Variants in MEI1 observed in about 807,000 individuals in gnomAD.
MEI1 encodes meiosis inhibitor protein 1.
MEI1 carries 103 observed loss-of-function variants against 146.2 expected under a neutral mutation model. That is an observed-to-expected ratio of 0.70 (90% confidence interval 0.60 to 0.83). The LOEUF (loss-of-function observed/expected upper bound fraction) is 0.83, where lower values mean the gene tolerates loss of function less well. MEI1 is among the 40% of genes least tolerant of loss of function. MEI1 has a pLI of 0.00. For synonymous variants in MEI1, 652 were observed against 628.2 expected, an observed-to-expected ratio of 1.04 and a Z score of -0.57; for missense variants, 1,529 against 1,533.0, an observed-to-expected ratio of 1.00 and a Z score of 0.04.
chr22:41,767,080 G>A (rs570736771), intron 19 of MEI1, among the ~76,000 whole-genome samples: 4 of 152,284 alleles, frequency 2.6e-5, no homozygotes, highest in Admixed American at 1.3e-4. Flanking sequence ...GGACTGCCTA[G>A]ATGAGGTAGT....
At chr22:41,722,245 G>A (rs739129) in intron 6 of MEI1, 126,196 of 151,408 alleles carry the variant, frequency 0.83, 53,539 homozygotes, top group African/African-American at 0.95. Flanking sequence ...TCTGTCTTAT[G>A]TCATCTTATT....
chr22:41,716,679 A>T (rs1601701028), intron 5 of MEI1, among the ~76,000 whole-genome samples: 4 of 112,576 alleles, frequency 3.6e-5, no homozygotes, highest in African/African-American at 6.8e-5. Flanking sequence ...CTGGCCTTCC[A>T]TTCATTCTTT....
intron 3 of MEI1, among the ~76,000 whole-genome samples, chr22:41,712,224 G>GTT (rs375549191): frequency 1.4e-4 from 9 of 65,880 alleles, no homozygotes; most frequent in African/African-American, 5.1e-4. Context: ...AAAGCATTGT[G>GTT]TTTTTTTTGT....
chr22:41,724,144 T>C, intron 7 of MEI1, 71 bp downstream of exon 7: 2 of 1,549,942 alleles, frequency 1.3e-6, no homozygotes, highest in South Asian at 2.3e-5. Flanking sequence ...GGGCCTTGTC[T>C]TCATCTACCA....
At chr22:41,784,908 T>A (rs2075901145) in intron 26 of MEI1, 125 bp downstream of exon 26, 1 of 455,930 alleles carries the variant, frequency 2.2e-6, no homozygotes, top group Non-Finnish European at 3.5e-6. Flanking sequence ...TTAAAAAAAT[T>A]ATTTCTATTA....
At chr22:41,743,277 T>C (rs1012510171) in intron 12 of MEI1, 83 bp downstream of exon 12, 14 of 949,548 alleles carry the variant, frequency 1.5e-5, no homozygotes, top group Admixed American at 1.2e-4. Context: ...CCCTTACTTT[T>C]GTATGCTATT....
Position 41,752,639 on chromosome 22 carries a change from G to C in MEI1, c.1841G>C (p.Cys614Ser). The C allele has an allele frequency of 1.3e-6, 2 of 1,596,688 alleles. No homozygotes were observed. Among genetic ancestry groups the C allele is most frequent in the South Asian group, 2.3e-5 (2 of 87,360 alleles). Reference sequence around the variant, plus strand: ...ACCCTGGAGCTGAAGGCCAGGTTTTGCAGTGGTCTGAGGTATGTGTGGTCC... The same window carrying C: ...ACCCTGGAGCTGAAGGCCAGGTTTTCCAGTGGTCTGAGGTATGTGTGGTCC... ...RLTLELKARF[C>S]SGLSHSALNQ... Residue 614 changes from cysteine to serine, a missense_variant, in exon 16 of 31, where the codon TGC (cysteine) becomes TCC (serine). By Grantham distance (112) the Cys-to-Ser change is moderately radical. This residue lies in a region of MEI1 where 1,212 missense variants were observed against 1,178.9 expected (regional missense o/e 1.03). Transcript: ENST00000401548.
intron 14 of MEI1, among the ~76,000 whole-genome samples, chr22:41,747,736 C>CCCAAAAAAAAA (rs1569240908): frequency 7.5e-6 from 1 of 133,232 alleles, no homozygotes; most frequent in Admixed American, 7.6e-5. Context: ...CCCACCCCCC[C>CCCAAAAAAAAA]AAAAAAAACA....
At chr22:41,775,048 C>T (rs1002085971) in intron 20 of MEI1, among the ~76,000 whole-genome samples, 2 of 152,210 alleles carry the variant, frequency 1.3e-5, no homozygotes, top group African/African-American at 2.4e-5. Flanking sequence ...TCCTAACTGG[C>T]CCAGCGCATT....
rs1307520760 is a variant in MEI1, at chr22:41,730,408, AC to A, written c.980-112del. 4.3e-6 allele frequency: 3 copies of A among 693,058 alleles called. No individual in the cohort carries two copies. The African/African-American group carries it at 5.3e-5, about 12-fold the overall frequency. The allele number at this position is 693,058 out of a possible 1,614,324, so 42.9% of individuals were successfully genotyped here. A position where few individuals can be genotyped will look rare whatever the true frequency, so the allele number is the denominator to read the frequency against. On this transcript the variant is annotated intron_variant, in intron 8 of 30. Transcript: ENST00000401548. The stretch of plus-strand genomic sequence containing the variant: ...CATGACTCATGGAGAGGATATGTGA[AC>A]AGATGAAGTAGCAAGAGTAAGGTGC...
intron 4 of MEI1, among the ~76,000 whole-genome samples, chr22:41,715,438 C>T (rs1168382317): frequency 6.6e-6 from 1 of 151,486 alleles, no homozygotes; most frequent in Non-Finnish European, 1.5e-5. Context: ...CACTGTTTCC[C>T]AGGCTGGAGT....
chr22:41,784,692 C>T lies in MEI1; in HGVS notation c.3254C>T (p.Pro1085Leu), dbSNP rs2075889076. ...GCCCTGGTGCCCTCAGGGGCCCAGC[C>T]ACTGCCAGCCACCAAGGACACTGTC... ...LVALVPSGAQ[P>L]LPATKDTVLA... Residue 1085 changes from proline to leucine, a missense_variant, in exon 26 of 31, where the codon CCA becomes CTA. Pro to Leu is a moderately conservative substitution (Grantham distance 98). Transcript: ENST00000401548. 2 of 1,613,808 alleles carry T rather than the reference C, an allele frequency of 1.2e-6. No individual in the cohort carries two copies. Among genetic ancestry groups the T allele is most frequent in the Non-Finnish European group, 1.7e-6 (2 of 1,179,844 alleles).
intron 11 of MEI1, among the ~76,000 whole-genome samples, chr22:41,735,424 G>A (rs1439907243): frequency 6.6e-6 from 1 of 152,044 alleles, no homozygotes; most frequent in Non-Finnish European, 1.5e-5. Flanking sequence ...AGTAGAGACG[G>A]GGTTTCTCCA....
At chr22:41,721,345 A>G (rs1357664547) in intron 6 of MEI1, among the ~76,000 whole-genome samples, 1 of 148,736 alleles carries the variant, frequency 6.7e-6, no homozygotes, top group African/African-American at 2.5e-5. Context: ...CCCAGGTTCA[A>G]GCAATTCTCT....
At chr22:41,737,620 A>C (rs1405880175) in intron 11 of MEI1, among the ~76,000 whole-genome samples, 1 of 151,676 alleles carries the variant, frequency 6.6e-6, no homozygotes, top group African/African-American at 2.4e-5. Flanking sequence ...TAGCTAACTG[A>C]AACCTCTGCC....
rs1157645102 is a variant in MEI1, at chr22:41,770,876, C to G, written c.2459C>G (p.Ser820Cys). The G allele has an allele frequency of 6.2e-7, 1 of 1,613,934 alleles. No homozygotes were observed. The highest frequency in any genetic ancestry group is 1.3e-5 in the African/African-American group (1 of 74,932). The part of the protein sequence containing the change: ...SSYEELDDVT[S>C]AGQPALPASL... ...TATGAGGAACTGGATGATGTCACCT[C>G]TGCTGGGCAGCCCGCCCTTCCTGCC... The change falls in exon 20 of 31, where the codon TCT becomes TGT. Residue 820 changes from serine to cysteine, a missense_variant. Ser to Cys is a moderately radical substitution (Grantham distance 112). This residue lies in a region of MEI1 where 1,212 missense variants were observed against 1,178.9 expected (regional missense o/e 1.03). Transcript: ENST00000401548.
intron 21 of MEI1, among the ~76,000 whole-genome samples, chr22:41,777,963 T>C (rs1301462572): frequency 6.6e-6 from 1 of 151,516 alleles, no homozygotes; most frequent in Non-Finnish European, 1.5e-5. Flanking sequence ...CTTCCTCTTT[T>C]CCTCCTCTTT....
intron 3 of MEI1, among the ~76,000 whole-genome samples, chr22:41,707,988 A>G (rs916114051): frequency 6.6e-6 from 1 of 152,254 alleles, no homozygotes; most frequent in Non-Finnish European, 1.5e-5. Context: ...TTGAACTCCC[A>G]TAGAACAAAA....
chr22:41,784,278 G>T (rs935702782), intron 24 of MEI1, 61 bp from the exon 25 acceptor site: 2 of 1,477,424 alleles, frequency 1.4e-6, no homozygotes, highest in Middle Eastern at 1.8e-4. Context: ...TTTCAGGCAG[G>T]TTATTTTCTG....
Sources: gnomAD v4.1 joint callset for allele counts (sites outside exome capture counted in the v4.1 genomes callset) on GRCh38, gnomAD v4.1.1 for gene constraint, gnomAD v4.1.1 regional missense constraint, MANE v1.5 for transcripts, NCBI Gene and HGNC (gene_info 2026-07-23, HGNC 2026-07-21) for gene names.